Variants in DLG2 observed in about 807,000 individuals in gnomAD.
The protein encoded by DLG2 is disks large homolog 2.
In DLG2, 45 loss-of-function variants were observed where a neutral mutation model predicts 132.5. The ratio of observed to expected loss-of-function variants is 0.34; its 90% CI spans 0.27 to 0.44. The LOEUF is 0.44. Ranked by LOEUF, DLG2 falls within the 20% of genes least tolerant of loss-of-function variation. The pLI is 1.00. For synonymous variants in DLG2, 424 were observed against 419.6 expected, an observed-to-expected ratio of 1.01 and a Z score of -0.13; for missense variants, 1,045 against 1,196.9, an observed-to-expected ratio of 0.87 and a Z score of 1.87.
rs945046116 is a variant in DLG2, at chr11:84,841,903, C to G, written c.357+269758G>C. Among the ~76,000 whole-genome samples the G allele has an allele frequency of 2.6e-5, 4 of 151,956 alleles. No individual in the cohort carries two copies. The East Asian group carries it at 7.8e-4, about 30-fold the overall frequency. Reference sequence around the variant, plus strand: ...ATTTTTATTATTACAGATAATGTTGCAGTAAACATTGCTATATGGACAGCT... The same window carrying G: ...ATTTTTATTATTACAGATAATGTTGGAGTAAACATTGCTATATGGACAGCT... On this transcript the variant is annotated intron_variant, in intron 6 of 27. Coordinates refer to ENST00000376104, the MANE Select transcript of DLG2 (RefSeq NM_001142699.3).
At chr11:83,890,095 A>C (rs887148646) in intron 15 of DLG2, among the ~76,000 whole-genome samples, 1 of 152,094 alleles carries the variant, frequency 6.6e-6, no homozygotes, top group African/African-American at 2.4e-5. Flanking sequence ...ATGTACCCTA[A>C]AACTTAAAGT....
rs190224038 is a variant in DLG2 at position 84,966,200 on chromosome 11, C to T, written c.357+145461G>A. On this transcript the variant is annotated intron_variant, in intron 6 of 27. Transcript: ENST00000376104. ...CTATCTATCTATCTACCATGTATCT[C>T]GCTGTCTATCTATCTATCTGTCTGT... Among the ~76,000 whole-genome samples, 161 of 151,954 alleles carry T rather than the reference C, an allele frequency of 1.1e-3. 1 individual carries two copies. The highest frequency in any genetic ancestry group is 3.6e-3 in the African/African-American group (148 of 41,452).
At chr11:84,293,040 T>C (rs2098028514) in intron 7 of DLG2, among the ~76,000 whole-genome samples, 1 of 152,160 alleles carries the variant, frequency 6.6e-6, no homozygotes, top group South Asian at 2.1e-4. Context: ...GAGTAAGTTA[T>C]AGGGGTTTCT....
At chr11:85,004,810 T>C (rs976378226) in intron 6 of DLG2, among the ~76,000 whole-genome samples, 2 of 152,226 alleles carry the variant, frequency 1.3e-5, no homozygotes, top group Non-Finnish European at 2.9e-5. Context: ...CATGCCTATG[T>C]CCTGAATGGT....
intron 3 of DLG2, among the ~76,000 whole-genome samples, chr11:85,498,484 G>C (rs992683423): frequency 3.9e-5 from 6 of 152,114 alleles, no homozygotes; most frequent in Non-Finnish European, 2.9e-5. Flanking sequence ...AATAATGGGA[G>C]ACTTTAACAC....
intron 14 of DLG2, among the ~76,000 whole-genome samples, chr11:83,940,894 A>C (rs944271320): frequency 6.6e-6 from 1 of 152,190 alleles, no homozygotes; most frequent in African/African-American, 2.4e-5. Flanking sequence ...CAGTGCCTAG[A>C]AGACAATCAG....
intron 3 of DLG2, among the ~76,000 whole-genome samples, chr11:85,402,040 C>T (rs2088185863): frequency 6.6e-6 from 1 of 152,108 alleles, no homozygotes; most frequent in Non-Finnish European, 1.5e-5. Flanking sequence ...CTAAGACAAT[C>T]CTAAACAAAA....
intron 7 of DLG2, among the ~76,000 whole-genome samples, chr11:84,466,947 C>A (rs943935156): frequency 6.6e-6 from 1 of 151,072 alleles, no homozygotes; most frequent in Non-Finnish European, 1.5e-5. Flanking sequence ...GAACATTATG[C>A]AATATTAGAT....
rs1041796254 is a variant in DLG2, at chr11:84,534,463, T to C, written c.519+107A>G. 7.0e-5 allele frequency: 82 copies of C among 1,171,376 alleles called. 1 individual carries two copies. Among genetic ancestry groups the C allele is most frequent in the Non-Finnish European group, 9.7e-5 (79 of 811,482 alleles). The allele number at this position is 1,171,376 out of a possible 1,614,324, so 72.6% of individuals were successfully genotyped here. The stretch of plus-strand genomic sequence containing the variant: ...ACCCTTTGGCAACCCGTGTCCTCTA[T>C]CATGTTTTAAAAGAGCCTCATTTAA... On this transcript the variant is annotated intron_variant, in intron 7 of 27. Coordinates refer to ENST00000376104, the MANE Select transcript of DLG2 (RefSeq NM_001142699.3).
intron 9 of DLG2, among the ~76,000 whole-genome samples, chr11:84,160,913 A>T (rs2095532663): frequency 6.6e-6 from 1 of 152,208 alleles, no homozygotes; most frequent in South Asian, 2.1e-4. Flanking sequence ...CAACAGCTGA[A>T]AGAGAAGATG....
intron 6 of DLG2, among the ~76,000 whole-genome samples, chr11:84,826,190 T>G (rs2078308082): frequency 6.6e-6 from 1 of 151,908 alleles, no homozygotes; most frequent in African/African-American, 2.4e-5. Context: ...TTATCCTTTG[T>G]GTTTCAAACA....
rs150221401 is a variant in DLG2 at position 83,690,520 on chromosome 11, T to C, written c.1826-57195A>G. 9.9e-3 allele frequency among the ~76,000 whole-genome samples: 1,512 copies of C among 152,266 alleles called. 34 individuals carry two copies. The highest frequency in any genetic ancestry group is 0.035 in the African/African-American group (1,446 of 41,540). On this transcript the variant is annotated intron_variant, in intron 18 of 27. Coordinates refer to ENST00000376104, the MANE Select transcript of DLG2 (RefSeq NM_001142699.3). ...CAAATAGAGAGTCAATATTCATTATTTCTAAAAGAGCTAATTGTAATAATA... is the reference window on the plus strand; with the variant it reads ...CAAATAGAGAGTCAATATTCATTATCTCTAAAAGAGCTAATTGTAATAATA...
chr11:85,504,143 T>C lies in DLG2; in HGVS notation c.40+94514A>G, dbSNP rs1469107977. ...TGTCAGATGGGTAGATTGCAAAAAT[T>C]TTCTCCCATTCTGTAGGTTGCCTGT... On this transcript the variant is annotated intron_variant, in intron 3 of 27. Coordinates refer to ENST00000376104, the MANE Select transcript of DLG2 (RefSeq NM_001142699.3). 9.2e-5 allele frequency among the ~76,000 whole-genome samples: 14 copies of C among 152,198 alleles called. 1 individual carries two copies. The highest frequency in any genetic ancestry group is 2.9e-4 in the African/African-American group (12 of 41,446).
At chr11:85,580,729 G>C (rs775718172) in intron 3 of DLG2, among the ~76,000 whole-genome samples, 1 of 152,158 alleles carries the variant, frequency 6.6e-6, no homozygotes, top group Non-Finnish European at 1.5e-5. Context: ...AGGCAATCTG[G>C]CTCCAGAATC....
At chr11:83,517,107 C>A (rs978969731) in intron 21 of DLG2, among the ~76,000 whole-genome samples, 1 of 152,170 alleles carries the variant, frequency 6.6e-6, no homozygotes, top group South Asian at 2.1e-4. Flanking sequence ...TGGATAATAT[C>A]CTGCAGAGTG....
chr11:84,314,844 A>C (rs547903816), intron 7 of DLG2, among the ~76,000 whole-genome samples: 1 of 152,088 alleles, frequency 6.6e-6, no homozygotes, highest in East Asian at 1.9e-4. Flanking sequence ...TATTTAACAT[A>C]ATGTATTTGA....
chr11:84,993,316 G>T (rs2057323449), intron 6 of DLG2, among the ~76,000 whole-genome samples: 1 of 152,118 alleles, frequency 6.6e-6, no homozygotes, highest in Non-Finnish European at 1.5e-5. Flanking sequence ...ATGCATGCAG[G>T]CCTTAAAACC....
At chr11:85,279,651 C>A (rs545892537) in intron 4 of DLG2, among the ~76,000 whole-genome samples, 2 of 151,850 alleles carry the variant, frequency 1.3e-5, no homozygotes, top group Non-Finnish European at 2.9e-5. Context: ...CAAATCCATA[C>A]GAAGTAATTA....
In DLG2 at chr11:83,860,447, C is replaced by T. The variant is rs916756116; in HGVS notation, c.1565+13973G>A. 1.6e-4 allele frequency among the ~76,000 whole-genome samples: 24 copies of T among 152,262 alleles called. 1 individual carries two copies. The highest frequency in any genetic ancestry group is 3.9e-4 in the African/African-American group (16 of 41,554). On this transcript the variant is annotated intron_variant, in intron 16 of 27. Coordinates refer to ENST00000376104, the MANE Select transcript of DLG2 (RefSeq NM_001142699.3). Reference sequence around the variant, plus strand: ...TTGGAGCTTTAAGATTTGACTGCCACGCTGGATTTTAGACTTGCATGAGGC... The same window carrying T: ...TTGGAGCTTTAAGATTTGACTGCCATGCTGGATTTTAGACTTGCATGAGGC...
Sources: allele counts gnomAD v4.1 joint callset (sites outside exome capture counted in the v4.1 genomes callset), GRCh38; gene constraint gnomAD v4.1.1; transcripts MANE v1.5; gene names NCBI Gene and HGNC (gene_info 2026-07-23, HGNC 2026-07-21).